GRIK1: variants seen among roughly 807,000 people sequenced by gnomAD.
The protein encoded by GRIK1 is glutamate ionotropic receptor kainate type subunit 1, also known as glutamate receptor ionotropic, kainate 1.
GRIK1 carries 69 observed loss-of-function variants against 105.7 expected under a neutral mutation model. The ratio of observed to expected loss-of-function variants is 0.65; its 90% CI spans 0.54 to 0.80. The LOEUF is 0.80. Ranked by LOEUF, GRIK1 falls within the 30% of genes least tolerant of loss-of-function variation. The probability of loss-of-function intolerance (pLI) is 0.00; values close to 1 mark genes in which losing one functional copy is unlikely to be tolerated. For missense variants in GRIK1, 1,109 were observed against 1,167.3 expected, an observed-to-expected ratio of 0.95 and a Z score of 0.73; for synonymous variants, 438 against 431.3, an observed-to-expected ratio of 1.02 and a Z score of -0.19.
chr21:29,893,530 ATATT>A (rs1406153571), intron 1 of GRIK1, among the ~76,000 whole-genome samples: 1 of 152,160 alleles, frequency 6.6e-6, no homozygotes, highest in Non-Finnish European at 1.5e-5. Flanking sequence ...TGTATAATCT[ATATT>A]TATATAGCAT....
At chr21:29,671,184 A>C (rs1331045825) in intron 4 of GRIK1, among the ~76,000 whole-genome samples, 1 of 151,930 alleles carries the variant, frequency 6.6e-6, no homozygotes, top group Non-Finnish European at 1.5e-5. Flanking sequence ...GTACAGTGGC[A>C]TAATCTTGGC....
At chr21:29,629,900 A>G (rs990690259) in intron 7 of GRIK1, among the ~76,000 whole-genome samples, 2 of 152,198 alleles carry the variant, frequency 1.3e-5, no homozygotes, top group African/African-American at 4.8e-5. Flanking sequence ...AGTAGACACA[A>G]GTAAAAGGAT....
chr21:29,622,906 T>C lies in GRIK1; in HGVS notation c.1098+19920A>G, dbSNP rs1350182757. On this transcript the variant is annotated intron_variant, in intron 7 of 17. Transcript: ENST00000327783. ...TTATTCCCAACTGGCAAATTTGCTG[T>C]TTCTTTGTCTATTCATGGTAATAAT... Among the ~76,000 whole-genome samples the C allele has an allele frequency of 2.6e-5, 4 of 152,206 alleles. No homozygotes were observed. The East Asian group carries it at 7.7e-4, about 29-fold the overall frequency.
intron 1 of GRIK1, among the ~76,000 whole-genome samples, chr21:29,888,496 GCTCAAGAAATCCACCCATCTCAGC>G: frequency 1.3e-5 from 2 of 151,572 alleles, no homozygotes; most frequent in Middle Eastern, 6.8e-3. Flanking sequence ...AAACTCCTAG[GCTCAAGAAATCCACCCATCTCAGC>G]CTCCCAAACT....
chr21:29,888,161 T>TTTCC (rs2069711890), intron 1 of GRIK1, among the ~76,000 whole-genome samples: 1 of 7,276 alleles, frequency 1.4e-4, no homozygotes, highest in Non-Finnish European at 4.0e-4. Context: ...CTCCTTTCTT[T>TTTCC]TTTCTTTCTT....
At chr21:29,933,353 C>G (rs946290030) in intron 1 of GRIK1, among the ~76,000 whole-genome samples, 1 of 152,048 alleles carries the variant, frequency 6.6e-6, no homozygotes, top group Non-Finnish European at 1.5e-5. Flanking sequence ...CCCATGTTGC[C>G]TCAAGTGTGC....
chr21:29,569,606 G>A (rs1321128400), intron 14 of GRIK1, among the ~76,000 whole-genome samples: 1 of 152,158 alleles, frequency 6.6e-6, no homozygotes, highest in Non-Finnish European at 1.5e-5. Flanking sequence ...TGGGCTAAAA[G>A]CATTATCCTC....
At chr21:29,770,557 C>T (rs911637411) in intron 1 of GRIK1, among the ~76,000 whole-genome samples, 22 of 151,924 alleles carry the variant, frequency 1.4e-4, no homozygotes, top group African/African-American at 5.3e-4. Flanking sequence ...GAGAGACTCA[C>T]ATCCATTTTT....
At chr21:29,623,265 C>T (rs1462241202) in intron 7 of GRIK1, among the ~76,000 whole-genome samples, 1 of 152,102 alleles carries the variant, frequency 6.6e-6, no homozygotes, top group African/African-American at 2.4e-5. Flanking sequence ...GAGACTTATT[C>T]ACTATCACAA....
In GRIK1 at chr21:29,693,976, C is replaced by G; in HGVS notation, c.206G>C (p.Arg69Pro). 2 of 1,611,286 alleles carry G rather than the reference C, an allele frequency of 1.2e-6. No individual in the cohort carries two copies. Among genetic ancestry groups the G allele is most frequent in the Non-Finnish European group, 1.7e-6 (2 of 1,177,448 alleles). The change falls in exon 2 of 18, where the codon CGA (arginine) becomes CCA (proline). Residue 69 changes from arginine (R) to proline (P), a missense_variant. Around this residue, in one of 5 missense-constraint regions of GRIK1, gnomAD observed 612 missense variants for 586.0 expected, o/e 1.04. Transcript: ENST00000327783. Reference sequence around the variant, plus strand: ...TAATGTGGTGTTAGGCATCAGGGTTCGGTTTCTGTTAATGCTGGTGACTGC... The same window carrying G: ...TAATGTGGTGTTAGGCATCAGGGTTGGGTTTCTGTTAATGCTGGTGACTGC... ...KFAVTSINRN[R>P]TLMPNTTLTY...
chr21:29,652,566 T>A (rs1370775212), intron 5 of GRIK1, among the ~76,000 whole-genome samples: 1 of 152,200 alleles, frequency 6.6e-6, no homozygotes, highest in African/African-American at 2.4e-5. Context: ...TGTTTTCTAT[T>A]ACAGATGAGG....
At chr21:29,584,965 G>A (rs1197347382) in intron 12 of GRIK1, among the ~76,000 whole-genome samples, 1 of 152,184 alleles carries the variant, frequency 6.6e-6, no homozygotes, top group Non-Finnish European at 1.5e-5. Context: ...TGTAGAGAAG[G>A]TAAATGTAGT....
intron 1 of GRIK1, among the ~76,000 whole-genome samples, chr21:29,833,291 T>C (rs1262186010): frequency 1.3e-5 from 2 of 152,158 alleles, no homozygotes; most frequent in Non-Finnish European, 2.9e-5. Context: ...AGCCTTCCAC[T>C]TTTTTCCAAC....
chr21:29,757,674 A>AT (rs2065385490), intron 1 of GRIK1, among the ~76,000 whole-genome samples: 1 of 152,192 alleles, frequency 6.6e-6, no homozygotes, highest in Non-Finnish European at 1.5e-5. Context: ...CAGATAATCA[A>AT]TTTTTCCCCC....
chr21:29,751,852 A>G (rs1313215667), intron 1 of GRIK1, among the ~76,000 whole-genome samples: 1 of 152,182 alleles, frequency 6.6e-6, no homozygotes, highest in African/African-American at 2.4e-5. Context: ...TGCCATTCCA[A>G]TTCCACTTAC....
chr21:29,658,477 G>T (rs9981377), intron 4 of GRIK1, among the ~76,000 whole-genome samples: 26,751 of 152,126 alleles, frequency 0.18, 2,619 homozygotes, highest in African/African-American at 0.26. Flanking sequence ...TGGCCACGCT[G>T]GTTCAAACTC....
At chr21:29,719,180 A>G (rs1209282960) in intron 1 of GRIK1, among the ~76,000 whole-genome samples, 1 of 150,626 alleles carries the variant, frequency 6.6e-6, no homozygotes, top group Non-Finnish European at 1.5e-5. Context: ...GTACTACTTT[A>G]TATATAATTT....
At chr21:29,646,321 G>A (rs981751648) in intron 6 of GRIK1, among the ~76,000 whole-genome samples, 2 of 152,164 alleles carry the variant, frequency 1.3e-5, no homozygotes, top group African/African-American at 4.8e-5. Flanking sequence ...CTTTCTAGTT[G>A]TCATAGATCA....
chr21:29,897,217 C>G (rs1347354474), intron 1 of GRIK1, among the ~76,000 whole-genome samples: 1 of 152,096 alleles, frequency 6.6e-6, no homozygotes, highest in Admixed American at 6.6e-5. Flanking sequence ...GGAACTGTGT[C>G]AAAACCAAGC....
Sources: allele counts gnomAD v4.1 joint callset (sites outside exome capture counted in the v4.1 genomes callset), GRCh38; gene constraint gnomAD v4.1.1; regional missense constraint gnomAD v4.1.1; transcripts MANE v1.5; gene names NCBI Gene and HGNC (gene_info 2026-07-23, HGNC 2026-07-21).